Variants in NFASC observed in about 807,000 individuals in gnomAD.
The protein encoded by NFASC is neurofascin homolog.
A neutral mutation model predicts 147.5 loss-of-function variants in NFASC; 43 were observed. That is an observed-to-expected ratio of 0.29 (90% CI 0.23 to 0.38). The LOEUF (loss-of-function observed/expected upper bound fraction) is 0.38. Among genes scored for constraint, NFASC ranks in the 10% least tolerant of loss-of-function variants. The pLI, the probability that NFASC is intolerant of heterozygous loss-of-function variation, is 1.00. For missense variants in NFASC, 1,320 were observed against 1,689.0 expected (o/e 0.78, Z 3.83); for synonymous variants, 622 against 665.5 (o/e 0.93, Z 1.01).
Position 204,848,324 on chromosome 1 carries a change from C to T in NFASC, c.-200+19542C>T, listed in dbSNP as rs144455091. ...CAGCTCACTGAGGCCTCAACTTCCC[C>T]AGTTAAGTGATCCTCTCACCTCAGC... is the stretch of plus-strand genomic sequence containing the variant. On this transcript the variant is annotated intron_variant, in intron 1 of 29. Coordinates refer to ENST00000339876, the MANE Select transcript of NFASC (RefSeq NM_001005388.3). Among the ~76,000 whole-genome samples the T allele has an allele frequency of 4.0e-3, 614 of 152,282 alleles. 9 individuals carry two copies. Among genetic ancestry groups the T allele is most frequent in the African/African-American group, 0.014 (574 of 41,546 alleles).
At chr1:204,901,042 A>G (rs2084457870) in intron 1 of NFASC, among the ~76,000 whole-genome samples, 1 of 152,122 alleles carries the variant, frequency 6.6e-6, no homozygotes, top group African/African-American at 2.4e-5. Context: ...TGAGAGAGAA[A>G]GAGAGGAGGC....
chr1:204,973,299 G>A lies in NFASC; in HGVS notation c.1159G>A (p.Glu387Lys). 1 of 1,614,206 alleles carries A rather than the reference G, an allele frequency of 6.2e-7. No individual in the cohort carries two copies. The highest frequency in any genetic ancestry group is 8.5e-7 in the Non-Finnish European group (1 of 1,180,026). Residue 387 changes from glutamate (E) to lysine (K), a missense_variant, in exon 12 of 30, where the codon GAG becomes AAG. By Grantham distance (56) the Glu-to-Lys change is moderately conservative (BLOSUM62 1). Coordinates refer to ENST00000339876, the MANE Select transcript of NFASC (RefSeq NM_001005388.3). ...LQSAPPNPNREVAGDTIIFRD... is the reference protein window; with the variant it reads ...LQSAPPNPNRKVAGDTIIFRD... ...AGCGGCACCACCTAACCCAAACCGT[G>A]AGGTGGCCGGAGACACCATCATCTT...
At chr1:204,900,566 C>G (rs2149179788) in intron 1 of NFASC, among the ~76,000 whole-genome samples, 1 of 152,238 alleles carries the variant, frequency 6.6e-6, no homozygotes, top group Middle Eastern at 3.4e-3. Flanking sequence ...TCTCAAGGAA[C>G]TTATTTTTAT....
chr1:204,847,303 A>G (rs557406707), intron 1 of NFASC, among the ~76,000 whole-genome samples: 20 of 152,322 alleles, frequency 1.3e-4, no homozygotes, highest in African/African-American at 4.3e-4. Context: ...TTAAATAGAT[A>G]CTATCTCACT....
chr1:204,881,521 A>G (rs534537731), intron 1 of NFASC, among the ~76,000 whole-genome samples: 41 of 152,174 alleles, frequency 2.7e-4, no homozygotes, highest in Non-Finnish European at 4.3e-4. Flanking sequence ...GAGCTTTACT[A>G]TGAGTGGGGC....
intron 2 of NFASC, among the ~76,000 whole-genome samples, chr1:204,924,839 G>C (rs576065091): frequency 4.3e-4 from 66 of 152,174 alleles, no homozygotes; most frequent in Admixed American, 1.1e-3. Flanking sequence ...TGTAACTTGG[G>C]GGAGAGGAGA....
intron 1 of NFASC, among the ~76,000 whole-genome samples, chr1:204,833,777 T>C (rs1672918626): frequency 6.6e-6 from 1 of 152,210 alleles, no homozygotes; most frequent in African/African-American, 2.4e-5. Context: ...GGAGGTGACA[T>C]GGCACAGTAG....
At position 204,980,357 on chromosome 1, in the gene NFASC, G is replaced by C. The variant is rs780199846; in HGVS notation, c.2177-13G>C. 3 of 1,612,072 alleles carry C rather than the reference G, an allele frequency of 1.9e-6. No individual in the cohort carries two copies. The East Asian group carries it at 6.7e-5, about 36-fold the overall frequency. On this transcript the variant is annotated splice_polypyrimidine_tract_variant and intron_variant, in intron 19 of 29. Coordinates refer to ENST00000339876, the MANE Select transcript of NFASC (RefSeq NM_001005388.3). ...ACAAATTGGACTTGAGCCTGTGTCT[G>C]TTTGGGTTCCAGCCCCCGAGTCCAA... is the stretch of plus-strand genomic sequence containing the variant.
At chr1:204,937,058 T>G (rs2149682399) in intron 2 of NFASC, among the ~76,000 whole-genome samples, 1 of 152,198 alleles carries the variant, frequency 6.6e-6, no homozygotes, top group East Asian at 1.9e-4. Flanking sequence ...ACCATTCAGG[T>G]CTTGGTCAGA....
chr1:204,908,696 C>G (rs1226081205), intron 1 of NFASC, among the ~76,000 whole-genome samples: 1 of 152,094 alleles, frequency 6.6e-6, no homozygotes, highest in Non-Finnish European at 1.5e-5. Context: ...GTGCCCATTT[C>G]CTACCACCAC....
intron 21 of NFASC, among the ~76,000 whole-genome samples, chr1:204,985,373 A>G (rs1261180576): frequency 6.6e-6 from 1 of 152,198 alleles, no homozygotes; most frequent in Non-Finnish European, 1.5e-5. Context: ...ACAATATGAA[A>G]AGAAGTCATT....
intron 1 of NFASC, among the ~76,000 whole-genome samples, chr1:204,829,407 C>A (rs1032226675): frequency 1.1e-4 from 17 of 152,118 alleles, no homozygotes; most frequent in African/African-American, 3.6e-4. Context: ...GGCCTGACAC[C>A]CGTCACCTTC....
At chr1:204,962,194 C>T in intron 8 of NFASC, 2 of 1,572,012 alleles carry the variant, frequency 1.3e-6, no homozygotes, top group Non-Finnish European at 1.7e-6. Flanking sequence ...GTAACCTTGC[C>T]TGTGCTAACC....
At chr1:205,014,636 T>G (rs1409130745) in intron 29 of NFASC, among the ~76,000 whole-genome samples, 1 of 151,892 alleles carries the variant, frequency 6.6e-6, no homozygotes, top group Non-Finnish European at 1.5e-5. Flanking sequence ...TTAGGAGAGG[T>G]CTGTTCGGTC....
chr1:204,860,991 G>A (rs1019876182), intron 1 of NFASC, among the ~76,000 whole-genome samples: 3 of 138,480 alleles, frequency 2.2e-5, no homozygotes, highest in Non-Finnish European at 4.5e-5. Context: ...TGGACCATTT[G>A]GGTTTTTTTT....
intron 1 of NFASC, among the ~76,000 whole-genome samples, chr1:204,853,082 G>T (rs1231525175): frequency 2.0e-5 from 3 of 152,018 alleles, no homozygotes; most frequent in African/African-American, 7.3e-5. Context: ...GGGAAGCAAT[G>T]CTGTGGAAAG....
intron 28 of NFASC, chr1:205,009,916 G>C (rs1431343021): frequency 1.8e-6 from 1 of 564,268 alleles, no homozygotes; most frequent in African/African-American, 1.9e-5. Context: ...CGGCCTCAGA[G>C]AGGGGATGGA....
intron 27 of NFASC, among the ~76,000 whole-genome samples, chr1:205,008,087 G>C (rs981645267): frequency 6.6e-6 from 1 of 152,080 alleles, no homozygotes; most frequent in Non-Finnish European, 1.5e-5. Flanking sequence ...GAGGACACGT[G>C]TTCATCAGTC....
rs7519745 is a variant in NFASC at position 204,987,999 on chromosome 1, C to T, written c.2593+459C>T. Among the ~76,000 whole-genome samples the T allele has an allele frequency of 2.0e-5, 3 of 152,212 alleles. No homozygotes were observed. The highest frequency in any genetic ancestry group is 1.9e-4 in the East Asian group (1 of 5,182). ...GCTGCCCGGTGACTGTGGGGTGACCCGAATCAGGAGCCTGGGTTGGAAAGA... is the reference window on the plus strand; with the variant it reads ...GCTGCCCGGTGACTGTGGGGTGACCTGAATCAGGAGCCTGGGTTGGAAAGA... On this transcript the variant is annotated intron_variant, in intron 22 of 29. Transcript: ENST00000339876. The surrounding 1 kb of genome is among the most constrained non-coding windows in gnomAD (Gnocchi z 4.4).
Sources: allele counts gnomAD v4.1 joint callset (sites outside exome capture counted in the v4.1 genomes callset), GRCh38; gene constraint gnomAD v4.1.1; non-coding constraint Gnocchi (gnomAD v3.1); transcripts MANE v1.5; gene names NCBI Gene and HGNC (gene_info 2026-07-23, HGNC 2026-07-21).